Variants in COL5A2 observed in about 807,000 individuals in gnomAD.
COL5A2 encodes the protein collagen type V alpha 2 chain, also known as collagen alpha-2(V) chain.
Under a neutral mutation model 208.2 loss-of-function variants are expected in COL5A2, and 23 were observed. The observed-to-expected ratio is 0.11, with a 90% confidence interval of 0.08 to 0.16. COL5A2 has a LOEUF of 0.16. Among genes scored for constraint, COL5A2 ranks in the 10% least tolerant of loss-of-function variants. The probability of loss-of-function intolerance (pLI) is 1.00; values close to 1 mark genes in which losing one functional copy is unlikely to be tolerated. For synonymous variants in COL5A2, 625 were observed against 628.5 expected, an observed-to-expected ratio of 0.99 and a Z score of 0.08; for missense variants, 1,590 against 1,956.4, an observed-to-expected ratio of 0.81 and a Z score of 3.53.
chr2:189,284,285 G>C, the COL5A2 span, among the ~76,000 whole-genome samples: 1 of 152,096 alleles, frequency 6.6e-6, no homozygotes. Flanking sequence ...GCAAACTCAA[G>C]TATATTAGTC....
chr2:189,188,397 C>T (rs981990658), intron 1 of COL5A2, among the ~76,000 whole-genome samples: 6 of 152,156 alleles, frequency 3.9e-5, no homozygotes, highest in South Asian at 2.1e-4. Flanking sequence ...CATGCTGTTG[C>T]ACGTATAAGC....
At chr2:189,292,785 C>T in the COL5A2 span, among the ~76,000 whole-genome samples, 1 of 152,144 alleles carries the variant, frequency 6.6e-6, no homozygotes, top group South Asian at 2.1e-4. Flanking sequence ...AATCATGCTG[C>T]TATAAAGACA....
the COL5A2 span, among the ~76,000 whole-genome samples, chr2:189,237,542 G>T: frequency 1.3e-5 from 2 of 151,712 alleles, no homozygotes; most frequent in African/African-American, 4.8e-5. Context: ...AATGACATTG[G>T]TCTAGGGTAA....
At chr2:189,151,066 C>G (rs2105787044) in intron 1 of COL5A2, among the ~76,000 whole-genome samples, 1 of 152,240 alleles carries the variant, frequency 6.6e-6, no homozygotes, top group East Asian at 1.9e-4. Context: ...CCAAAATTGG[C>G]TTATTATTCT....
the COL5A2 span, among the ~76,000 whole-genome samples, chr2:189,250,983 G>A: frequency 2.6e-5 from 4 of 152,076 alleles, no homozygotes; most frequent in African/African-American, 9.7e-5. Context: ...ACAGAACCTG[G>A]AGCCAGAAGT....
At chr2:189,051,017 T>C (rs934565812) in intron 42 of COL5A2, among the ~76,000 whole-genome samples, 2 of 152,072 alleles carry the variant, frequency 1.3e-5, no homozygotes, top group African/African-American at 4.8e-5. Context: ...CTAAACACAA[T>C]ATTTAAAGGC....
At chr2:189,281,297 T>C in the COL5A2 span, among the ~76,000 whole-genome samples, 95 of 152,126 alleles carry the variant, frequency 6.2e-4, 1 homozygote, top group Non-Finnish European at 1.2e-4. Flanking sequence ...GTCAAAACAG[T>C]TCATCATAAG....
At chr2:189,320,423 G>A in the COL5A2 span, among the ~76,000 whole-genome samples, 1 of 152,118 alleles carries the variant, frequency 6.6e-6, no homozygotes, top group African/African-American at 2.4e-5. Flanking sequence ...CTTGAAAAAA[G>A]ATTACACGAA....
chr2:189,083,722 C>G (rs1324575679), intron 12 of COL5A2, among the ~76,000 whole-genome samples: 7 of 151,590 alleles, frequency 4.6e-5, no homozygotes, highest in African/African-American at 1.7e-4. Flanking sequence ...ATTTGAAACT[C>G]AGTTTGGAGA....
At chr2:189,306,457 C>T in the COL5A2 span, among the ~76,000 whole-genome samples, 2 of 152,184 alleles carry the variant, frequency 1.3e-5, no homozygotes, top group Non-Finnish European at 2.9e-5. Context: ...TTCCACATAA[C>T]AGGACCTATA....
At chr2:189,331,949 C>CAAA in the COL5A2 span, among the ~76,000 whole-genome samples, 4,173 of 83,432 alleles carry the variant, frequency 0.05, 84 homozygotes, top group Admixed American at 0.077. Flanking sequence ...GACTCCGTCT[C>CAAA]AAAAAAAAAA....
intron 1 of COL5A2, among the ~76,000 whole-genome samples, chr2:189,217,320 T>C (rs1043494387): frequency 6.6e-5 from 10 of 152,312 alleles, no homozygotes; most frequent in African/African-American, 2.4e-4. Context: ...TGTGTGCACA[T>C]AATCATATTT....
chr2:189,392,982 A>G, the COL5A2 span, among the ~76,000 whole-genome samples: 27 of 152,316 alleles, frequency 1.8e-4, no homozygotes, highest in African/African-American at 6.3e-4. Flanking sequence ...CCATATAGTC[A>G]TATCTTATTG....
At chr2:189,036,228 T>C (rs976341491) in intron 52 of COL5A2, among the ~76,000 whole-genome samples, 4 of 152,100 alleles carry the variant, frequency 2.6e-5, no homozygotes, top group Non-Finnish European at 5.9e-5. Context: ...CCAAAGTCAG[T>C]ACAAGATCCC....
At chr2:189,168,718 T>TA (rs1259666303) in intron 1 of COL5A2, among the ~76,000 whole-genome samples, 3 of 152,182 alleles carry the variant, frequency 2.0e-5, no homozygotes, top group South Asian at 2.1e-4. Context: ...AATTCCATAA[T>TA]AAAAAAAATT....
the COL5A2 span, among the ~76,000 whole-genome samples, chr2:189,317,821 G>A: frequency 6.6e-6 from 1 of 152,128 alleles, no homozygotes; most frequent in African/African-American, 2.4e-5. Context: ...TGCAGGTGAT[G>A]AAAGCAGCTA....
chr2:189,046,239 A>G (rs1028738159), intron 45 of COL5A2, among the ~76,000 whole-genome samples: 1 of 152,186 alleles, frequency 6.6e-6, no homozygotes, highest in African/African-American at 2.4e-5. Context: ...ATATTGGTAT[A>G]CTTGGAATAC....
the COL5A2 span, among the ~76,000 whole-genome samples, chr2:189,388,128 C>T: frequency 6.6e-6 from 1 of 152,120 alleles, no homozygotes; most frequent in African/African-American, 2.4e-5. Context: ...CATATGTACA[C>T]GTTCAACCTG....
the COL5A2 span, among the ~76,000 whole-genome samples, chr2:189,334,091 A>C: frequency 6.6e-6 from 1 of 152,014 alleles, no homozygotes; most frequent in Non-Finnish European, 1.5e-5. Context: ...CAAAATTCTT[A>C]GCAAATTAGG....
Sources: allele counts gnomAD v4.1 joint callset (sites outside exome capture counted in the v4.1 genomes callset), GRCh38; gene constraint gnomAD v4.1.1; transcripts MANE v1.5; gene names NCBI Gene and HGNC (gene_info 2026-07-23, HGNC 2026-07-21).